The following ZNF407 variants were observed in gnomAD, a reference collection of about 807,000 sequenced individuals.
ZNF407 encodes zinc finger protein 407.
Under a neutral mutation model 131.2 loss-of-function variants are expected in ZNF407, and 17 were observed. The ratio of observed to expected loss-of-function variants is 0.13; its 90% confidence interval spans 0.09 to 0.19. The LOEUF (loss-of-function observed/expected upper bound fraction) is 0.19. Among genes scored for constraint, ZNF407 ranks in the 10% least tolerant of loss-of-function variants. The probability of loss-of-function intolerance (pLI) is 1.00; values close to 1 mark genes in which losing one functional copy is unlikely to be tolerated. For synonymous variants in ZNF407, 1,156 were observed against 1,062.0 expected (o/e 1.09, Z -1.72); for missense variants, 2,681 against 2,830.6 (o/e 0.95, Z 1.20).
intron 7 of ZNF407, among the ~76,000 whole-genome samples, chr18:74,908,514 G>A (rs1423150444): frequency 6.6e-6 from 1 of 152,062 alleles, no homozygotes; most frequent in East Asian, 1.9e-4. Context: ...TGTCTGTTCT[G>A]TTCTAGTGGT....
At chr18:74,607,158 G>T (rs1426892187) in intron 1 of ZNF407, among the ~76,000 whole-genome samples, 1 of 152,196 alleles carries the variant, frequency 6.6e-6, no homozygotes, top group Non-Finnish European at 1.5e-5. Flanking sequence ...TCCATTGGTG[G>T]TTCTCAATCC....
Position 74,967,302 on chromosome 18 carries a change from A to T in ZNF407, c.5428+46610A>T, listed in dbSNP as rs555333723. On this transcript the variant is annotated intron_variant, in intron 8 of 8. Transcript: ENST00000299687. ...ATCTCTTATAAAGTATAAATCTTTC[A>T]TAAAAATGCCTTCCATTTTTAAAAT... Among the ~76,000 whole-genome samples the T allele has an allele frequency of 1.1e-4, 17 of 152,346 alleles. No homozygotes were observed. In the South Asian group the frequency reaches 3.5e-3, roughly 32 times the overall value.
intron 8 of ZNF407, among the ~76,000 whole-genome samples, chr18:74,932,647 A>G (rs974969014): frequency 1.3e-5 from 2 of 152,260 alleles, no homozygotes; most frequent in African/African-American, 4.8e-5. Flanking sequence ...TACATCCAGA[A>G]TGTAATGCCT....
At chr18:74,873,560 C>A (rs1971116024) in intron 4 of ZNF407, among the ~76,000 whole-genome samples, 1 of 152,074 alleles carries the variant, frequency 6.6e-6, no homozygotes, top group South Asian at 2.1e-4. Flanking sequence ...TTAGGAACCC[C>A]TTATTTAATT....
intron 8 of ZNF407, among the ~76,000 whole-genome samples, chr18:75,009,177 G>T (rs1320994077): frequency 1.3e-5 from 2 of 152,030 alleles, no homozygotes; most frequent in African/African-American, 4.8e-5. Flanking sequence ...AAGTTTTATT[G>T]TTAAGTCTTT....
chr18:74,991,734 G>A (rs1321042946), intron 8 of ZNF407, among the ~76,000 whole-genome samples: 1 of 152,016 alleles, frequency 6.6e-6, no homozygotes, highest in African/African-American at 2.4e-5. Context: ...TTCACTTGTG[G>A]CCATCACTAC....
intron 8 of ZNF407, among the ~76,000 whole-genome samples, chr18:74,981,469 TGTTCCTG>T (rs1599276993): frequency 6.6e-6 from 1 of 152,250 alleles, no homozygotes; most frequent in Non-Finnish European, 1.5e-5. Flanking sequence ...GCTTACGATC[TGTTCCTG>T]GTTCAGACAA....
chr18:74,642,128 T>G (rs1984751021), intron 3 of ZNF407, among the ~76,000 whole-genome samples: 1 of 152,154 alleles, frequency 6.6e-6, no homozygotes, highest in South Asian at 2.1e-4. Flanking sequence ...CATCCCAGGA[T>G]GCAGTTGTGT....
chr18:74,718,603 C>T (rs1226112279), intron 3 of ZNF407, among the ~76,000 whole-genome samples: 1 of 152,066 alleles, frequency 6.6e-6, no homozygotes, highest in Non-Finnish European at 1.5e-5. Context: ...CTCAAGTGAT[C>T]TCCTTGGCTC....
chr18:74,635,052 G>A lies in ZNF407; in HGVS notation c.4033G>A (p.Asp1345Asn). The change falls in exon 2 of 9, where the codon GAT becomes AAT. Residue 1345 changes from aspartate (D) to asparagine (N), a missense_variant. By Grantham distance (23) the Asp-to-Asn change is conservative. Coordinates refer to ENST00000299687, the MANE Select transcript of ZNF407 (RefSeq NM_017757.3). The surrounding 1 kb of genome is among the most constrained non-coding windows in gnomAD (Gnocchi z 4.7). ...DVYETIISIDDKGQAMYSFGR... is the reference protein window; with the variant it reads ...DVYETIISIDNKGQAMYSFGR... ...CTATGAAACTATAATTAGTATTGAT[G>A]ATAAAGGGCAGGCCATGTACAGTTT... is the stretch of plus-strand genomic sequence containing the variant. The A allele has an allele frequency of 6.2e-7, 1 of 1,613,938 alleles. No homozygotes were observed. The highest frequency in any genetic ancestry group is 8.5e-7 in the Non-Finnish European group (1 of 1,179,882).
At chr18:74,769,028 T>G (rs1255816795) in intron 3 of ZNF407, among the ~76,000 whole-genome samples, 1 of 152,068 alleles carries the variant, frequency 6.6e-6, no homozygotes, top group Non-Finnish European at 1.5e-5. Context: ...TCATCATCAT[T>G]GCAGTGGGCT....
intron 5 of ZNF407, among the ~76,000 whole-genome samples, chr18:74,879,271 C>T (rs1385178258): frequency 6.6e-6 from 1 of 152,054 alleles, no homozygotes; most frequent in Non-Finnish European, 1.5e-5. Flanking sequence ...ATCCAGAAGT[C>T]CTAAGATTGC....
intron 3 of ZNF407, among the ~76,000 whole-genome samples, chr18:74,692,790 C>A (rs537583168): frequency 1.3e-5 from 2 of 152,142 alleles, no homozygotes; most frequent in South Asian, 2.1e-4. Context: ...AGCTCTCCCC[C>A]AGAGACAGGT....
chr18:74,828,163 C>T (rs180812592), intron 4 of ZNF407, among the ~76,000 whole-genome samples: 65 of 152,226 alleles, frequency 4.3e-4, no homozygotes, highest in African/African-American at 1.4e-3. Context: ...GTAACTGGGA[C>T]GACCAGAGTG....
intron 1 of ZNF407, among the ~76,000 whole-genome samples, chr18:74,612,205 T>G (rs1983090486): frequency 6.6e-6 from 1 of 152,142 alleles, no homozygotes; most frequent in African/African-American, 2.4e-5. Context: ...AATTGTAGAT[T>G]GTTAGAAATA....
At chr18:74,993,824 T>A (rs1287726421) in intron 8 of ZNF407, among the ~76,000 whole-genome samples, 1 of 152,212 alleles carries the variant, frequency 6.6e-6, no homozygotes, top group East Asian at 1.9e-4. Context: ...AAAAATACTT[T>A]GTAATTTAAG....
intron 8 of ZNF407, among the ~76,000 whole-genome samples, chr18:75,059,801 T>TA (rs11387001): frequency 0.77 from 117,610 of 152,054 alleles, 46,303 homozygotes; most frequent in East Asian, 0.9. Context: ...GATCAAAGTT[T>TA]ACAAGACAAC....
intron 7 of ZNF407, among the ~76,000 whole-genome samples, chr18:74,900,449 G>T (rs1352881996): frequency 6.6e-6 from 1 of 152,126 alleles, no homozygotes; most frequent in Non-Finnish European, 1.5e-5. Context: ...ACCCCAAAAG[G>T]TGGGGTTTTA....
At chr18:74,916,383 GGTT>G (rs1233452380) in intron 7 of ZNF407, among the ~76,000 whole-genome samples, 10 of 125,908 alleles carry the variant, frequency 7.9e-5, no homozygotes, top group African/African-American at 3.6e-4. Flanking sequence ...GGTATGGTGA[GGTT>G]GTGTGCAGTA....
Sources: gnomAD v4.1 joint callset for allele counts (sites outside exome capture counted in the v4.1 genomes callset) on GRCh38, gnomAD v4.1.1 for gene constraint, Gnocchi (gnomAD v3.1) non-coding constraint, MANE v1.5 for transcripts, NCBI Gene and HGNC (gene_info 2026-07-23, HGNC 2026-07-21) for gene names.